The following FLI1 variants were observed in gnomAD, a reference collection of about 807,000 sequenced individuals.
FLI1 encodes Friend leukemia integration 1 transcription factor.
FLI1 carries 13 observed loss-of-function variants against 53.1 expected under a neutral mutation model. The ratio of observed to expected loss-of-function variants is 0.24; its 90% CI spans 0.16 to 0.39. The LOEUF is 0.39. Ranked by LOEUF, FLI1 falls within the 10% of genes least tolerant of loss-of-function variation. The probability of loss-of-function intolerance (pLI) is 1.00; values close to 1 mark genes in which losing one functional copy is unlikely to be tolerated. For missense variants in FLI1, 424 were observed against 600.5 expected, an observed-to-expected ratio of 0.71 and a Z score of 3.07; for synonymous variants, 244 against 236.7, an observed-to-expected ratio of 1.03 and a Z score of -0.28.
upstream of FLI1, chr11:128,692,639 A>G (rs1462361399): frequency 1.3e-5 from 2 of 152,226 alleles, no homozygotes; most frequent in African/African-American, 2.4e-5. Flanking sequence ...GAAGAAATAA[A>G]GAATTAATAA....
intron 4 of FLI1, among the ~76,000 whole-genome samples, chr11:128,777,947 A>G (rs542934314): frequency 6.6e-6 from 1 of 152,178 alleles, no homozygotes; most frequent in African/African-American, 2.4e-5. Flanking sequence ...AAAGCCTCAC[A>G]CTGCTCACTC....
At chr11:128,743,387 A>G (rs1209482229) in intron 1 of FLI1, among the ~76,000 whole-genome samples, 1 of 149,896 alleles carries the variant, frequency 6.7e-6, no homozygotes, top group Admixed American at 6.7e-5. Flanking sequence ...CCTGGGCAAC[A>G]TGGCAAGACC....
intron 2 of FLI1, among the ~76,000 whole-genome samples, chr11:128,761,352 C>A (rs1312912763): frequency 1.3e-5 from 2 of 152,208 alleles, no homozygotes; most frequent in Non-Finnish European, 2.9e-5. Context: ...TCACTCTTTA[C>A]CCTGCTTAGA....
intron 1 of FLI1, among the ~76,000 whole-genome samples, chr11:128,725,278 A>G (rs587862): frequency 0.4 from 60,380 of 152,136 alleles, 13,426 homozygotes; most frequent in East Asian, 0.58. Flanking sequence ...AACTCAATCA[A>G]GGTCTTCCTG....
intron 4 of FLI1, among the ~76,000 whole-genome samples, chr11:128,776,685 A>G (rs1162798507): frequency 6.6e-6 from 1 of 152,190 alleles, no homozygotes; most frequent in South Asian, 2.1e-4. Flanking sequence ...GTGGACAACT[A>G]TCTACAGTAC....
intron 1 of FLI1, among the ~76,000 whole-genome samples, chr11:128,694,565 G>A (rs1370500801): frequency 4.1e-4 from 3 of 7,252 alleles, no homozygotes; most frequent in African/African-American, 2.1e-3. Context: ...GGGGACGGCG[G>A]GAAACCGGGG....
At chr11:128,699,307 C>T (rs77588568) in intron 1 of FLI1, among the ~76,000 whole-genome samples, 1 of 152,052 alleles carries the variant, frequency 6.6e-6, no homozygotes, top group Non-Finnish European at 1.5e-5. Flanking sequence ...TACTAAGTTA[C>T]CCCCAGCCAA....
At chr11:128,708,770 A>G (rs1938663526) in intron 1 of FLI1, among the ~76,000 whole-genome samples, 3 of 152,214 alleles carry the variant, frequency 2.0e-5, no homozygotes, top group Non-Finnish European at 4.4e-5. Flanking sequence ...GCTGTAAATC[A>G]TGCGGCATTT....
intron 3 of FLI1, chr11:128,768,530 A>C: frequency 2.3e-6 from 1 of 431,806 alleles, no homozygotes; most frequent in Non-Finnish European, 4.3e-6. Context: ...AAAAAAAAAA[A>C]ATACAAAAAT....
intron 1 of FLI1, among the ~76,000 whole-genome samples, chr11:128,705,070 A>G (rs925263094): frequency 6.6e-5 from 10 of 152,358 alleles, no homozygotes; most frequent in African/African-American, 2.2e-4. Flanking sequence ...TCCAAATTCC[A>G]TAAAGCTTAG....
At chr11:128,732,267 G>A (rs140310798) in intron 1 of FLI1, among the ~76,000 whole-genome samples, 2,669 of 152,256 alleles carry the variant, frequency 0.018, 31 homozygotes, top group East Asian at 0.03. Flanking sequence ...TTCTCATCTA[G>A]GACATCTAAG....
intron 5 of FLI1, chr11:128,804,909 T>C (rs1942735916): frequency 6.5e-6 from 1 of 152,968 alleles, no homozygotes; most frequent in East Asian, 1.9e-4. Flanking sequence ...ACTATGGACA[T>C]TTAAGAAATG....
At chr11:128,808,676 T>C (rs776277734) in intron 7 of FLI1, among the ~76,000 whole-genome samples, 85 of 152,186 alleles carry the variant, frequency 5.6e-4, no homozygotes, top group Non-Finnish European at 1.6e-4. Context: ...ACATAGCTGC[T>C]GCTAAAACCC....
At chr11:128,809,544 A>C (rs938478363) in intron 8 of FLI1, among the ~76,000 whole-genome samples, 4 of 152,354 alleles carry the variant, frequency 2.6e-5, no homozygotes, top group South Asian at 4.1e-4. Context: ...CTCAGCTCTC[A>C]GTTGTCTCCC....
At chr11:128,701,294 A>C (rs750504515) in intron 1 of FLI1, among the ~76,000 whole-genome samples, 2 of 151,968 alleles carry the variant, frequency 1.3e-5, no homozygotes, top group Non-Finnish European at 2.9e-5. Flanking sequence ...CCTTTTGAGA[A>C]TGAGTCAGCA....
In FLI1 at chr11:128,723,129, C is replaced by T. The variant is rs745706753; in HGVS notation, c.18+28853C>T. On this transcript the variant is annotated intron_variant, in intron 1 of 8. Transcript: ENST00000527786. ...AGGCTCCACCTCCACGATCAAATCA[C>T]CCCCTGAAGATCCCACCTCCTATAC... 5.3e-5 allele frequency among the ~76,000 whole-genome samples: 8 copies of T among 152,280 alleles called. No homozygotes were observed. In the Middle Eastern group the frequency reaches 0.014, roughly 259 times the overall value.
upstream of FLI1, chr11:128,693,990 G>T: frequency 3.7e-6 from 1 of 270,470 alleles, no homozygotes; most frequent in South Asian, 1.5e-4. Context: ...GAGAGAGAGA[G>T]AGATAGGACT....
At chr11:128,800,054 T>G (rs1423443946) in intron 5 of FLI1, among the ~76,000 whole-genome samples, 1 of 152,130 alleles carries the variant, frequency 6.6e-6, no homozygotes, top group Non-Finnish European at 1.5e-5. Flanking sequence ...TGGGCTTGGC[T>G]CTCTTGGGAA....
chr11:128,758,772 G>A (rs185811147), intron 2 of FLI1, among the ~76,000 whole-genome samples: 1 of 152,314 alleles, frequency 6.6e-6, no homozygotes, highest in Admixed American at 6.5e-5. Flanking sequence ...GGATGAGGAA[G>A]GTGTCTACCT....
Sources: gnomAD v4.1 joint callset for allele counts (sites outside exome capture counted in the v4.1 genomes callset) on GRCh38, gnomAD v4.1.1 for gene constraint, MANE v1.5 for transcripts, NCBI Gene and HGNC (gene_info 2026-07-23, HGNC 2026-07-21) for gene names.